APBA1: variants seen among roughly 807,000 people sequenced by gnomAD.
APBA1 encodes amyloid beta precursor protein binding family A member 1, also known as amyloid-beta A4 precursor protein-binding family A member 1.
A neutral mutation model predicts 86.6 loss-of-function variants in APBA1; 55 were observed. That is an observed-to-expected ratio of 0.64 (90% CI 0.51 to 0.80). APBA1 has a LOEUF of 0.80. Among genes scored for constraint, APBA1 ranks in the 30% least tolerant of loss-of-function variants. The pLI is 0.00. For missense variants in APBA1, 1,090 were observed against 1,183.0 expected (o/e 0.92, Z 1.15); for synonymous variants, 511 against 493.9 (o/e 1.03, Z -0.46).
rs576808179 is a variant in APBA1, at chr9:69,628,233, T to A, written c.-70+43920A>T. Among the ~76,000 whole-genome samples the A allele has an allele frequency of 1.2e-4, 19 of 152,244 alleles. No individual in the cohort carries two copies. The South Asian group carries it at 3.7e-3, about 30-fold the overall frequency. ...ATTTCTACCAACAAACTAATGAGCA[T>A]GCAAGTAGCTTCTTCCCCAGCCAAG... is the stretch of plus-strand genomic sequence containing the variant. On this transcript the variant is annotated intron_variant, in intron 1 of 12. Transcript: ENST00000265381.
At chr9:69,572,266 AGT>A (rs1284578265) in intron 1 of APBA1, among the ~76,000 whole-genome samples, 1 of 151,924 alleles carries the variant, frequency 6.6e-6, no homozygotes, top group African/African-American at 2.4e-5. Context: ...GACAGGCCCC[AGT>A]GTGTGTTTTC....
chr9:69,434,099 A>G (rs1456315456), intron 11 of APBA1, among the ~76,000 whole-genome samples: 1 of 152,174 alleles, frequency 6.6e-6, no homozygotes, highest in Admixed American at 6.5e-5. Flanking sequence ...TCACTCAAAT[A>G]CCAAACTGTT....
chr9:69,600,291 T>A (rs1390339737), intron 1 of APBA1, among the ~76,000 whole-genome samples: 2 of 152,190 alleles, frequency 1.3e-5, no homozygotes, highest in East Asian at 3.8e-4. Flanking sequence ...TAGGACCAGA[T>A]GACCTTACTT....
intron 1 of APBA1, among the ~76,000 whole-genome samples, chr9:69,584,398 C>T (rs1049012256): frequency 6.6e-6 from 1 of 152,132 alleles, no homozygotes; most frequent in African/African-American, 2.4e-5. Context: ...CATATCTATC[C>T]TCTATTCACT....
At chr9:69,569,469 G>A (rs901812410) in intron 1 of APBA1, among the ~76,000 whole-genome samples, 21 of 151,846 alleles carry the variant, frequency 1.4e-4, no homozygotes, top group African/African-American at 4.1e-4. Context: ...GTGTGTGTGT[G>A]TGTGTGTGTG....
chr9:69,440,456 G>A (rs1342494369), intron 11 of APBA1, among the ~76,000 whole-genome samples: 1 of 151,584 alleles, frequency 6.6e-6, no homozygotes, highest in African/African-American at 2.4e-5. Flanking sequence ...CCGCTGCTTT[G>A]TTTACCTACT....
At chr9:69,671,077 T>G (rs117377033) in intron 1 of APBA1, among the ~76,000 whole-genome samples, 229 of 152,212 alleles carry the variant, frequency 1.5e-3, no homozygotes, top group Middle Eastern at 3.4e-3. Context: ...GAGTTCATTC[T>G]AAAAGAACCA....
intron 5 of APBA1, chr9:69,463,593 C>T (rs1276200656): frequency 6.6e-6 from 1 of 152,178 alleles, no homozygotes; most frequent in Admixed American, 6.5e-5. Context: ...AAATGGAAAC[C>T]TAAGCTTCAA....
At chr9:69,645,616 G>A (rs996082177) in intron 1 of APBA1, among the ~76,000 whole-genome samples, 5 of 152,308 alleles carry the variant, frequency 3.3e-5, no homozygotes, top group Non-Finnish European at 5.9e-5. Flanking sequence ...GCACGGAGGC[G>A]GACTGGGAGC....
chr9:69,477,170 C>A (rs12346899), intron 2 of APBA1, among the ~76,000 whole-genome samples: 120,269 of 151,132 alleles, frequency 0.8, 47,986 homozygotes, highest in Admixed American at 0.85. Flanking sequence ...GCGTGAGCGA[C>A]ACAGAAGATG....
At chr9:69,541,417 A>G (rs1422557156) in intron 1 of APBA1, among the ~76,000 whole-genome samples, 1 of 152,108 alleles carries the variant, frequency 6.6e-6, no homozygotes, top group Non-Finnish European at 1.5e-5. Context: ...ATGAGGTGAT[A>G]TCTCATTGTA....
chr9:69,482,543 A>G (rs1348915972), intron 2 of APBA1, among the ~76,000 whole-genome samples: 1 of 150,526 alleles, frequency 6.6e-6, no homozygotes, highest in Non-Finnish European at 1.5e-5. Flanking sequence ...AACTAGTTCA[A>G]CCCTTGTGGA....
chr9:69,476,331 T>C (rs930333192), intron 2 of APBA1, among the ~76,000 whole-genome samples, 188 bp from the exon 3 acceptor site: 1 of 152,222 alleles, frequency 6.6e-6, no homozygotes, highest in Admixed American at 6.5e-5. Context: ...AGCTTTCTTT[T>C]TCAAGTCCTG....
At chr9:69,652,938 A>C (rs1435522005) in intron 1 of APBA1, among the ~76,000 whole-genome samples, 1 of 151,858 alleles carries the variant, frequency 6.6e-6, no homozygotes, top group African/African-American at 2.4e-5. Context: ...TGAAGGTTGC[A>C]GTGAGCTGAG....
chr9:69,672,477 A>AGC (rs990391436), upstream of APBA1, among the ~76,000 whole-genome samples: 10 of 140,578 alleles, frequency 7.1e-5, no homozygotes, highest in Non-Finnish European at 1.4e-4. Context: ...GGCGCGGGGG[A>AGC]GCGCGCGCGC....
intron 1 of APBA1, among the ~76,000 whole-genome samples, chr9:69,642,833 A>C (rs1175140248): frequency 6.6e-6 from 1 of 151,928 alleles, no homozygotes; most frequent in Non-Finnish European, 1.5e-5. Context: ...ACAAGAAGGA[A>C]TTCTCCCAGC....
intron 2 of APBA1, among the ~76,000 whole-genome samples, chr9:69,511,221 T>G (rs1249020737): frequency 1.3e-5 from 2 of 152,124 alleles, no homozygotes; most frequent in South Asian, 4.2e-4. Flanking sequence ...CAAACAAATT[T>G]ACAAGAAAAA....
chr9:69,544,878 C>G (rs1228096858), intron 1 of APBA1, among the ~76,000 whole-genome samples: 1 of 152,158 alleles, frequency 6.6e-6, no homozygotes, highest in East Asian at 1.9e-4. Flanking sequence ...ATTCTCTACC[C>G]AGGGAGGGCC....
At chr9:69,450,274 GA>G (rs1322785454) in intron 9 of APBA1, among the ~76,000 whole-genome samples, 1 of 151,836 alleles carries the variant, frequency 6.6e-6, no homozygotes. Flanking sequence ...TCTCTGCAAG[GA>G]AAAAGTTGAG....
Sources: gnomAD v4.1 joint callset for allele counts (sites outside exome capture counted in the v4.1 genomes callset) on GRCh38, gnomAD v4.1.1 for gene constraint, MANE v1.5 for transcripts, NCBI Gene and HGNC (gene_info 2026-07-23, HGNC 2026-07-21) for gene names.